SSBP2: variants seen among roughly 807,000 people sequenced by gnomAD.
The protein encoded by SSBP2 is single stranded DNA binding protein 2.
Under a neutral mutation model 61.8 loss-of-function variants are expected in SSBP2, and 17 were observed. The ratio of observed to expected loss-of-function variants is 0.28; its 90% CI spans 0.19 to 0.41. SSBP2 has a LOEUF of 0.41. Among genes scored for constraint, SSBP2 ranks in the 10% least tolerant of loss-of-function variants. The pLI, the probability that SSBP2 is intolerant of heterozygous loss-of-function variation, is 1.00. For missense variants in SSBP2, 310 were observed against 458.7 expected, an observed-to-expected ratio of 0.68 and a Z score of 2.96; for synonymous variants, 139 against 141.3, an observed-to-expected ratio of 0.98 and a Z score of 0.12.
intron 4 of SSBP2, among the ~76,000 whole-genome samples, chr5:81,600,095 G>A (rs1276263355): frequency 6.6e-6 from 1 of 151,998 alleles, no homozygotes; most frequent in African/African-American, 2.4e-5. Context: ...TTTAAAAGAC[G>A]GTGATTAAGA....
At chr5:81,658,574 T>C (rs967285587) in intron 1 of SSBP2, among the ~76,000 whole-genome samples, 3 of 152,220 alleles carry the variant, frequency 2.0e-5, no homozygotes, top group Non-Finnish European at 4.4e-5. Flanking sequence ...TTATTGTTGA[T>C]TTTATTTTTT....
intron 1 of SSBP2, among the ~76,000 whole-genome samples, chr5:81,737,338 TTCTC>T (rs1319166563): frequency 1.3e-5 from 2 of 151,350 alleles, no homozygotes; most frequent in African/African-American, 2.4e-5. Context: ...CAGTTAAGTC[TTCTC>T]TCTATGCTTC....
chr5:81,559,309 C>A (rs1385884999), intron 4 of SSBP2, among the ~76,000 whole-genome samples: 8 of 151,612 alleles, frequency 5.3e-5, no homozygotes, highest in Non-Finnish European at 7.4e-5. Flanking sequence ...ATTGCTGGAA[C>A]CCGGGAAGCG....
At chr5:81,539,851 C>T (rs1039306840) in intron 4 of SSBP2, among the ~76,000 whole-genome samples, 12 of 152,124 alleles carry the variant, frequency 7.9e-5, no homozygotes, top group Admixed American at 2.0e-4. Flanking sequence ...CCCGTCAACC[C>T]GTCATCTACA....
chr5:81,498,419 T>C (rs1288590260), intron 5 of SSBP2, among the ~76,000 whole-genome samples: 1 of 152,056 alleles, frequency 6.6e-6, no homozygotes, highest in African/African-American at 2.4e-5. Flanking sequence ...GATACTTTCT[T>C]TGCACTATTT....
rs1561459572 is a variant in SSBP2 at position 81,488,059 on chromosome 5, A to ATTATATATATACATTATATATAT, written c.432+1190_432+1191insATATATATAATGTATATATATAA. On this transcript the variant is annotated intron_variant, in intron 6 of 16. Transcript: ENST00000320672. ...TATATATATATATATATATATATAT[A>ATTATATATATACATTATATATAT]AATAAAATATCATATATTATATATA... Among the ~76,000 whole-genome samples the ATTATATATATACATTATATATAT allele has an allele frequency of 1.8e-3, 117 of 65,284 alleles. 4 individuals carry two copies. The highest frequency in any genetic ancestry group is 2.2e-3 in the Non-Finnish European group (79 of 35,752). The allele number at this position is 65,284 out of a possible 152,430, so 42.8% of individuals were successfully genotyped here. A position where few individuals can be genotyped will look rare whatever the true frequency, so the allele number is the denominator to read the frequency against.
intron 1 of SSBP2, among the ~76,000 whole-genome samples, chr5:81,722,990 T>A (rs1755635395): frequency 6.6e-6 from 1 of 151,926 alleles, no homozygotes; most frequent in South Asian, 2.1e-4. Flanking sequence ...ATTAACATGA[T>A]ACTGTAATTA....
At chr5:81,436,753 A>T (rs1442473559) in intron 15 of SSBP2, among the ~76,000 whole-genome samples, 3 of 152,142 alleles carry the variant, frequency 2.0e-5, no homozygotes, top group African/African-American at 7.2e-5. Context: ...TTCACTGAGA[A>T]CTATTTTAAA....
intron 1 of SSBP2, among the ~76,000 whole-genome samples, chr5:81,738,433 T>C (rs989587179): frequency 3.9e-5 from 6 of 152,218 alleles, no homozygotes; most frequent in Non-Finnish European, 8.8e-5. Context: ...TCCTCACACT[T>C]ATCCTTTCTC....
At chr5:81,692,397 G>A (rs1438668782) in intron 1 of SSBP2, among the ~76,000 whole-genome samples, 3 of 152,104 alleles carry the variant, frequency 2.0e-5, no homozygotes, top group African/African-American at 7.2e-5. Context: ...TTGATGAATT[G>A]GAAGAATCAA....
At chr5:81,668,284 GA>G (rs952846554) in intron 1 of SSBP2, among the ~76,000 whole-genome samples, 4 of 122,710 alleles carry the variant, frequency 3.3e-5, no homozygotes, top group African/African-American at 9.2e-5. Flanking sequence ...CAGGAAAAAG[GA>G]AAAAAAGTTT....
chr5:81,438,108 G>C (rs1317230598), intron 14 of SSBP2, among the ~76,000 whole-genome samples: 2 of 152,062 alleles, frequency 1.3e-5, no homozygotes, highest in Non-Finnish European at 2.9e-5. Flanking sequence ...CTAGCACTTT[G>C]GGAGGCCAAG....
intron 1 of SSBP2, among the ~76,000 whole-genome samples, chr5:81,723,751 A>C (rs1581422846): frequency 6.6e-6 from 1 of 152,148 alleles, no homozygotes; most frequent in East Asian, 1.9e-4. Flanking sequence ...CCAGACAGTA[A>C]GTACTCCATA....
intron 1 of SSBP2, among the ~76,000 whole-genome samples, chr5:81,664,288 A>G (rs1254456934): frequency 6.6e-6 from 1 of 151,030 alleles, no homozygotes; most frequent in Non-Finnish European, 1.5e-5. Context: ...ATGCCCGGCT[A>G]ATTTTTTTTT....
At chr5:81,571,036 A>G (rs933316828) in intron 4 of SSBP2, among the ~76,000 whole-genome samples, 3 of 152,230 alleles carry the variant, frequency 2.0e-5, no homozygotes, top group African/African-American at 7.2e-5. Flanking sequence ...ACATATTTCT[A>G]GACAGTAGAT....
rs1172749359 is a variant in SSBP2, at chr5:81,415,413, C to A, written c.*5091G>T. 1 of 152,082 alleles carries A rather than the reference C, an allele frequency of 6.6e-6. No homozygotes were observed. The highest frequency in any genetic ancestry group is 1.5e-5 in the Non-Finnish European group (1 of 68,028). 9.4% of individuals were successfully genotyped at this position (152,082 alleles called of 1,614,324 possible). A position where few individuals can be genotyped will look rare whatever the true frequency, so the allele number is the denominator to read the frequency against. The stretch of plus-strand genomic sequence containing the variant: ...TCCTCCAATATACTTCAAATCATCT[C>A]GTTTACTTATAATACCTAATACAAT... On this transcript the variant is annotated 3_prime_UTR_variant, in exon 17 of 17. Transcript: ENST00000320672.
At chr5:81,501,212 A>AATATATATAT (rs1167504052) in intron 5 of SSBP2, among the ~76,000 whole-genome samples, 16 of 28,830 alleles carry the variant, frequency 5.5e-4, no homozygotes, top group South Asian at 1.6e-3. Context: ...CTCCATCTCA[A>AATATATATAT]ATATATATAT....
intron 1 of SSBP2, among the ~76,000 whole-genome samples, chr5:81,736,172 ACACACACACACACACACT>A (rs968816391): frequency 5.0e-4 from 67 of 135,238 alleles, no homozygotes; most frequent in Middle Eastern, 7.4e-3. Context: ...ACACACACAC[ACACACACACACACACACT>A]CTACGGCACT....
intron 16 of SSBP2, among the ~76,000 whole-genome samples, chr5:81,427,874 T>A (rs35657180): frequency 0.18 from 27,450 of 152,172 alleles, 2,879 homozygotes; most frequent in South Asian, 0.24. Context: ...TCTGGGAAAC[T>A]GTATTTTAAA....
Sources: gnomAD v4.1 joint callset for allele counts (sites outside exome capture counted in the v4.1 genomes callset) on GRCh38, gnomAD v4.1.1 for gene constraint, MANE v1.5 for transcripts, NCBI Gene and HGNC (gene_info 2026-07-23, HGNC 2026-07-21) for gene names.